The following ATP1A4 variants were observed in gnomAD, a reference collection of about 807,000 sequenced individuals.
ATP1A4 encodes the protein ATPase Na+/K+ transporting subunit alpha 4, also known as sodium/potassium-transporting ATPase subunit alpha-4.
A neutral mutation model predicts 114.3 loss-of-function variants in ATP1A4; 90 were observed. That is an observed-to-expected ratio of 0.79 (90% CI 0.66 to 0.94). The LOEUF is 0.94. Among genes scored for constraint, ATP1A4 ranks in the 40% least tolerant of loss-of-function variants. ATP1A4 has a pLI of 0.00. For synonymous variants in ATP1A4, 511 were observed against 494.1 expected (o/e 1.03, Z -0.45); for missense variants, 1,222 against 1,313.6 (o/e 0.93, Z 1.08).
At position 160,157,048 on chromosome 1, in the gene ATP1A4, C is replaced by T. The variant is rs78931655; in HGVS notation, c.525+890C>T. Among the ~76,000 whole-genome samples the T allele has an allele frequency of 8.9e-3, 1,349 of 152,106 alleles. 28 individuals are homozygous for T. Among genetic ancestry groups the T allele is most frequent in the African/African-American group, 0.031 (1,266 of 41,486 alleles). On this transcript the variant is annotated intron_variant, in intron 4 of 21. Transcript: ENST00000368081. ...GAGCACGGAAGGCAGAGATTGCATGCCATTGCACTCCAGCCTGGTGACAGA... is the reference window on the plus strand; with the variant it reads ...GAGCACGGAAGGCAGAGATTGCATGTCATTGCACTCCAGCCTGGTGACAGA...
At chr1:160,158,746 C>G (rs1463883248) in intron 4 of ATP1A4, among the ~76,000 whole-genome samples, 1 of 152,142 alleles carries the variant, frequency 6.6e-6, no homozygotes, top group Non-Finnish European at 1.5e-5. Flanking sequence ...GTCACGTGGT[C>G]AAGCCCAGGT....
Position 160,173,661 on chromosome 1 carries a change from G to A in ATP1A4, c.1935G>A (p.Glu645=). Residue 645 remains glutamate (E), a synonymous_variant, in exon 13 of 22, where the codon GAG becomes GAA. Coordinates refer to ENST00000368081, the MANE Select transcript of ATP1A4 (RefSeq NM_144699.4). The part of the protein sequence containing the change: ...KGVGIISEGT[E]TAEEVAARLK... ...TGGGCATCATCTCAGAAGGCACTGA[G>A]ACGGCAGAGGAAGTCGCTGCCCGGC... The A allele has an allele frequency of 6.2e-7, 1 of 1,614,168 alleles. No individual in the cohort carries two copies. The highest frequency in any genetic ancestry group is 2.2e-5 in the East Asian group (1 of 44,864).
rs565998645 is a variant in ATP1A4, at chr1:160,186,409, G to A, written c.3061+42G>A. 2.5e-5 allele frequency: 37 copies of A among 1,465,428 alleles called. No homozygotes were observed. In the Admixed American group the frequency reaches 3.2e-4, roughly 13 times the overall value. 90.8% of individuals were successfully genotyped at this position (1,465,428 alleles called of 1,614,324 possible). A position where few individuals can be genotyped will look rare whatever the true frequency, so the allele number is the denominator to read the frequency against. ...CCCCGCTCTGACTGAGTGGTCACCA[G>A]CCCCCTCACTAGCTCTCCCATCCCA... is the stretch of plus-strand genomic sequence containing the variant. On this transcript the variant is annotated intron_variant, in intron 21 of 21. Transcript: ENST00000368081.
intron 4 of ATP1A4, among the ~76,000 whole-genome samples, chr1:160,157,029 G>A (rs549866609): frequency 9.2e-5 from 14 of 152,260 alleles, no homozygotes; most frequent in Admixed American, 2.0e-4. Flanking sequence ...GCTTGAGCAC[G>A]GAAGGCAGAG....
intron 6 of ATP1A4, among the ~76,000 whole-genome samples, chr1:160,160,229 T>C (rs57995957): frequency 0.037 from 5,709 of 152,284 alleles, 356 homozygotes; most frequent in African/African-American, 0.13. Context: ...TGTTTTGTGT[T>C]TTTTTGAAAC....
intron 17 of ATP1A4, among the ~76,000 whole-genome samples, 188 bp downstream of exon 17, chr1:160,176,790 A>G (rs1653481084): frequency 6.6e-6 from 1 of 152,238 alleles, no homozygotes; most frequent in Admixed American, 6.5e-5. Context: ...AAAGGAACAA[A>G]CATACATAAA....
In ATP1A4 at chr1:160,159,483, G is replaced by A. The variant is rs61734686; in HGVS notation, c.735G>A (p.Leu245=). 1.3e-3 allele frequency: 2,067 copies of A among 1,613,278 alleles called. 16 individuals carry two copies. The African/African-American group carries it at 0.023, about 18-fold the overall frequency. ...RSPDFTHENP[L]ETRNICFFST... Reference sequence around the variant, plus strand: ...CTGACTTCACCCATGAGAACCCTCTGGAGACCCGAAACATCTGCTTCTTTT... The same window carrying A: ...CTGACTTCACCCATGAGAACCCTCTAGAGACCCGAAACATCTGCTTCTTTT... Residue 245 remains leucine, a synonymous_variant, in exon 6 of 22, where the codon CTG becomes CTA. Transcript: ENST00000368081.
At chr1:160,172,537 G>A (rs772319451) in intron 12 of ATP1A4, among the ~76,000 whole-genome samples, 19 of 152,150 alleles carry the variant, frequency 1.2e-4, no homozygotes, top group Non-Finnish European at 2.2e-4. Context: ...TCATGGGATG[G>A]CAGCAGTAGA....
chr1:160,152,322 A>G, intron 1 of ATP1A4, 135 bp downstream of exon 1: 1 of 949,456 alleles, frequency 1.1e-6, no homozygotes, highest in South Asian at 2.2e-5. Flanking sequence ...GGAGGGAAGG[A>G]GAGGGTTAAA....
At chr1:160,161,638 G>A (rs923612396) in intron 6 of ATP1A4, among the ~76,000 whole-genome samples, 8 of 152,026 alleles carry the variant, frequency 5.3e-5, no homozygotes, top group Admixed American at 2.0e-4. Context: ...TCCTCCACCC[G>A]GCCCAAAATA....
intron 17 of ATP1A4, 93 bp from the exon 18 acceptor site, chr1:160,177,425 GA>G: frequency 7.1e-7 from 1 of 1,400,288 alleles, no homozygotes; most frequent in Non-Finnish European, 9.9e-7. Flanking sequence ...AGCCCAGCCA[GA>G]AGCAAGTCCC....
At chr1:160,170,501 C>T (rs559640669) in intron 10 of ATP1A4, 1 of 151,656 alleles carries the variant, frequency 6.6e-6, no homozygotes, top group African/African-American at 2.4e-5. Context: ...GTCGAAGGAA[C>T]TAAGATTTTG....
chr1:160,152,183 T>C lies in ATP1A4; in HGVS notation c.143T>C (p.Val48Ala). The change falls in exon 1 of 22, where the codon GTC becomes GCC. Residue 48 changes from valine to alanine, a missense_variant. By Grantham distance (64) the Val-to-Ala change is moderately conservative (BLOSUM62 0). Transcript: ENST00000368081. ...ATGGAGGAACTGAAGAAGGAAGTGGTCATGGTGAGGCCACCCAAAGTGGGC... is the reference window on the plus strand; with the variant it reads ...ATGGAGGAACTGAAGAAGGAAGTGGCCATGGTGAGGCCACCCAAAGTGGGC... ...RNMEELKKEV[V>A]MDDHKLTLEE... 3.1e-6 allele frequency: 5 copies of C among 1,613,184 alleles called. No homozygotes were observed. Among genetic ancestry groups the C allele is most frequent in the Non-Finnish European group, 4.2e-6 (5 of 1,179,830 alleles).
intron 7 of ATP1A4, among the ~76,000 whole-genome samples, chr1:160,164,865 T>C (rs751177042): frequency 9.2e-5 from 14 of 152,266 alleles, no homozygotes; most frequent in Non-Finnish European, 4.4e-5. Flanking sequence ...ATTATTTCTA[T>C]TAATTGGGAA....
intron 6 of ATP1A4, 104 bp from the exon 7 acceptor site, chr1:160,164,052 A>G: frequency 7.0e-7 from 1 of 1,423,844 alleles, no homozygotes; most frequent in Non-Finnish European, 9.5e-7. Flanking sequence ...CCCTATCTTT[A>G]AGGGTTTTTA....
In ATP1A4 at chr1:160,166,646, T is replaced by C. The variant is rs574094284; in HGVS notation, c.1166T>C (p.Leu389Pro). The C allele has an allele frequency of 6.2e-7, 1 of 1,614,196 alleles. No individual in the cohort carries two copies. The highest frequency in any genetic ancestry group is 2.2e-5 in the East Asian group (1 of 44,880). Residue 389 changes from leucine to proline, a missense_variant, in exon 8 of 22, where the codon CTC becomes CCC. Physicochemically the swap from Leu to Pro is moderately conservative, Grantham distance 98. Coordinates refer to ENST00000368081, the MANE Select transcript of ATP1A4 (RefSeq NM_144699.4). ...STICSDKTGT[L>P]TQNRMTVAHM... ...ATCTGCTCAGACAAGACGGGCACCCTCACCCAGAACCGCATGACCGTCGCC... is the reference window on the plus strand; with the variant it reads ...ATCTGCTCAGACAAGACGGGCACCCCCACCCAGAACCGCATGACCGTCGCC...
intron 13 of ATP1A4, 64 bp downstream of exon 13, chr1:160,173,781 A>C: frequency 1.3e-5 from 20 of 1,564,592 alleles, no homozygotes; most frequent in Non-Finnish European, 1.7e-5. Context: ...CCCCACCCAG[A>C]TGCCACTTTA....
Position 160,153,148 on chromosome 1 carries a change from C to T in ATP1A4, c.148-17C>T, listed in dbSNP as rs747297331. On this transcript the variant is annotated splice_polypyrimidine_tract_variant and intron_variant, in intron 1 of 21. Transcript: ENST00000368081. ...TGGGCCACCCCCTGTCCCTCAATGC[C>T]TCTACTGTCCCCTCAGGATGATCAC... The T allele has an allele frequency of 1.9e-6, 3 of 1,612,928 alleles. No individual in the cohort carries two copies. The highest frequency in any genetic ancestry group is 1.1e-5 in the South Asian group (1 of 91,050).
intron 5 of ATP1A4, 61 bp downstream of exon 5, chr1:160,159,197 C>T: frequency 3.2e-6 from 5 of 1,572,514 alleles, no homozygotes; most frequent in Non-Finnish European, 4.3e-6. Context: ...AGGGTAGACA[C>T]CTGGGCCGTT....
Sources: allele counts gnomAD v4.1 joint callset (sites outside exome capture counted in the v4.1 genomes callset), GRCh38; gene constraint gnomAD v4.1.1; transcripts MANE v1.5; gene names NCBI Gene and HGNC (gene_info 2026-07-23, HGNC 2026-07-21).